Variants in TAMM41 observed in about 807,000 individuals in gnomAD.
TAMM41 encodes TAM41 mitochondrial translocator assembly and maintenance homolog, also known as phosphatidate cytidylyltransferase, mitochondrial.
Under a neutral mutation model 44.1 loss-of-function variants are expected in TAMM41, and 36 were observed. The observed-to-expected ratio is 0.82, with a 90% CI of 0.63 to 1.08. TAMM41 has a LOEUF of 1.08. Ranked by LOEUF, TAMM41 falls within the 50% of genes least tolerant of loss-of-function variation. The pLI, the probability that TAMM41 is intolerant of heterozygous loss-of-function variation, is 0.00. For synonymous variants in TAMM41, 164 were observed against 153.1 expected (o/e 1.07, Z -0.53); for missense variants, 417 against 404.3 (o/e 1.03, Z -0.27).
At chr3:11,814,549 T>C (rs2078212481) in intron 5 of TAMM41, among the ~76,000 whole-genome samples, 1 of 152,056 alleles carries the variant, frequency 6.6e-6, no homozygotes, top group African/African-American at 2.4e-5. Flanking sequence ...CCAGGAGGTC[T>C]AGCAACCACC....
chr3:11,753,076 G>A, the TAMM41 span, among the ~76,000 whole-genome samples: 3 of 152,248 alleles, frequency 2.0e-5, no homozygotes, highest in Non-Finnish European at 2.9e-5. Flanking sequence ...AATGAAGAAA[G>A]TCAATCAGGA....
the TAMM41 span, among the ~76,000 whole-genome samples, chr3:11,723,729 A>C: frequency 6.6e-6 from 1 of 152,250 alleles, no homozygotes; most frequent in Admixed American, 6.5e-5. Flanking sequence ...AAGTTTAAAA[A>C]ATGTATAAGG....
intron 5 of TAMM41, among the ~76,000 whole-genome samples, chr3:11,812,867 A>C (rs893825114): frequency 3.3e-5 from 5 of 152,120 alleles, no homozygotes; most frequent in African/African-American, 4.8e-5. Flanking sequence ...CTAGATAAGC[A>C]GAAGTGATAG....
At chr3:11,795,132 T>A (rs775251080) in intron 7 of TAMM41, among the ~76,000 whole-genome samples, 3 of 152,214 alleles carry the variant, frequency 2.0e-5, no homozygotes, top group Non-Finnish European at 2.9e-5. Flanking sequence ...AAGGATCAAC[T>A]GAGGCATGCC....
At chr3:11,803,528 T>C (rs760337667) in intron 7 of TAMM41, among the ~76,000 whole-genome samples, 1 of 152,104 alleles carries the variant, frequency 6.6e-6, no homozygotes, top group Non-Finnish European at 1.5e-5. Context: ...GACCTAAAAA[T>C]AGAATTAACC....
chr3:11,845,896 G>C (rs1415245203), intron 1 of TAMM41, among the ~76,000 whole-genome samples: 1 of 152,232 alleles, frequency 6.6e-6, no homozygotes, highest in Non-Finnish European at 1.5e-5. Context: ...AGTGCTGAGC[G>C]AGGGTAAATA....
chr3:11,728,130 C>CA, the TAMM41 span, among the ~76,000 whole-genome samples: 24 of 150,444 alleles, frequency 1.6e-4, no homozygotes, highest in Admixed American at 3.3e-4. Context: ...GCAACTATTT[C>CA]AAAAAAAAAG....
the TAMM41 span, among the ~76,000 whole-genome samples, chr3:11,763,184 G>A: frequency 6.6e-6 from 1 of 152,178 alleles, no homozygotes; most frequent in Non-Finnish European, 1.5e-5. Flanking sequence ...TGTCACCCAT[G>A]CTGCAGTGCA....
At chr3:11,722,046 G>A in the TAMM41 span, 1 of 152,162 alleles carries the variant, frequency 6.6e-6, no homozygotes, top group African/African-American at 2.4e-5. Context: ...GTGTTCCCAC[G>A]TATTATTATC....
rs547605869 is a variant in TAMM41 at position 11,827,286 on chromosome 3, GCTTT to G, written c.562+2424_562+2427del. 4.3e-3 allele frequency among the ~76,000 whole-genome samples: 633 copies of G among 148,300 alleles called. 5 individuals are homozygous for G. The highest frequency in any genetic ancestry group is 6.0e-3 in the Admixed American group (87 of 14,576). On this transcript the variant is annotated intron_variant, in intron 4 of 7. Coordinates refer to ENST00000455809, the MANE Select transcript of TAMM41 (RefSeq NM_001284401.2). ...TTCTAAGAAAAACTAGAGTTAGAAA[GCTTT>G]CTTTCTTTCTTTTCTTTTCTTTTTT...
the TAMM41 span, among the ~76,000 whole-genome samples, chr3:11,731,352 G>A: frequency 1.3e-5 from 2 of 152,094 alleles, no homozygotes; most frequent in Non-Finnish European, 2.9e-5. Flanking sequence ...GAATTCTGCA[G>A]GGCATAGTGG....
the TAMM41 span, among the ~76,000 whole-genome samples, chr3:11,742,040 C>T: frequency 6.7e-6 from 1 of 150,204 alleles, no homozygotes; most frequent in East Asian, 1.9e-4. Flanking sequence ...TTAATATTGA[C>T]CTTGGCAAAT....
chr3:11,809,942 A>G (rs983847447), intron 5 of TAMM41: 1 of 335,090 alleles, frequency 3.0e-6, no homozygotes, highest in Non-Finnish European at 5.3e-6. Context: ...ACTCTCAAGG[A>G]TCAATTTCTG....
At chr3:11,827,339 T>C (rs1021217618) in intron 4 of TAMM41, among the ~76,000 whole-genome samples, 3 of 150,302 alleles carry the variant, frequency 2.0e-5, no homozygotes, top group African/African-American at 4.9e-5. Context: ...CAAGACAGTC[T>C]CACTGTGTCA....
chr3:11,786,805 G>C (rs1467545640), downstream of TAMM41, among the ~76,000 whole-genome samples: 2 of 151,180 alleles, frequency 1.3e-5, no homozygotes, highest in African/African-American at 4.9e-5. Flanking sequence ...TGTTGCCTGG[G>C]CTGGTCTTGA....
chr3:11,767,626 ATTTTT>A, the TAMM41 span, among the ~76,000 whole-genome samples: 9 of 60,692 alleles, frequency 1.5e-4, 1 homozygote, highest in African/African-American at 6.0e-4. Context: ...CACGTTGTGC[ATTTTT>A]TTTTTTTTTT....
At chr3:11,787,003 T>C (rs1408001732), downstream of TAMM41, among the ~76,000 whole-genome samples, 1 of 152,202 alleles carries the variant, frequency 6.6e-6, no homozygotes, top group African/African-American at 2.4e-5. Flanking sequence ...TGTTCTGTCA[T>C]AGTCACAGTG....
intron 7 of TAMM41, among the ~76,000 whole-genome samples, chr3:11,795,512 T>C (rs2077583907): frequency 6.6e-6 from 1 of 152,198 alleles, no homozygotes; most frequent in South Asian, 2.1e-4. Flanking sequence ...GCTGTAGCCA[T>C]ATCTATTTGG....
the TAMM41 span, among the ~76,000 whole-genome samples, chr3:11,766,365 G>C: frequency 6.6e-6 from 1 of 151,816 alleles, no homozygotes; most frequent in Non-Finnish European, 1.5e-5. Flanking sequence ...CGGGGGTCTT[G>C]CTATGTTGCC....
Sources: gnomAD v4.1 joint callset for allele counts (sites outside exome capture counted in the v4.1 genomes callset) on GRCh38, gnomAD v4.1.1 for gene constraint, MANE v1.5 for transcripts, NCBI Gene and HGNC (gene_info 2026-07-23, HGNC 2026-07-21) for gene names.